NELL1: variants seen among roughly 807,000 people sequenced by gnomAD.
NELL1 encodes protein kinase C-binding protein NELL1.
A neutral mutation model predicts 107.4 loss-of-function variants in NELL1; 76 were observed. That is an observed-to-expected ratio of 0.71 (90% CI 0.59 to 0.86). NELL1 has a LOEUF of 0.86. Among genes scored for constraint, NELL1 ranks in the 40% least tolerant of loss-of-function variants. NELL1 has a pLI of 0.00. For missense variants in NELL1, 1,024 were observed against 1,005.5 expected, an observed-to-expected ratio of 1.02 and a Z score of -0.25; for synonymous variants, 353 against 341.2, an observed-to-expected ratio of 1.03 and a Z score of -0.38.
At chr11:21,070,935 TATC>T (rs979245284) in intron 12 of NELL1, among the ~76,000 whole-genome samples, 28 of 152,264 alleles carry the variant, frequency 1.8e-4, no homozygotes, top group African/African-American at 6.5e-4. Flanking sequence ...GAGCACTACT[TATC>T]ATGCTTACTT....
intron 2 of NELL1, among the ~76,000 whole-genome samples, chr11:20,715,299 TTTTG>T (rs749740387): frequency 0.11 from 1,272 of 11,900 alleles, 4 homozygotes; most frequent in South Asian, 0.32. Context: ...TGAGCTGGGT[TTTTG>T]TTTTTTTTTT....
At chr11:21,165,900 G>A (rs903719861) in intron 13 of NELL1, among the ~76,000 whole-genome samples, 16 of 150,896 alleles carry the variant, frequency 1.1e-4, no homozygotes, top group African/African-American at 3.9e-4. Context: ...GTAGCTGGGT[G>A]CCCACTACAA....
At chr11:21,529,876 G>A (rs1253537016) in intron 15 of NELL1, among the ~76,000 whole-genome samples, 2 of 152,076 alleles carry the variant, frequency 1.3e-5, no homozygotes, top group African/African-American at 4.8e-5. Flanking sequence ...TCAACCTACA[G>A]ATTAGAAAAC....
intron 12 of NELL1, among the ~76,000 whole-genome samples, chr11:21,099,745 A>C (rs1854757620): frequency 6.6e-6 from 1 of 152,188 alleles, no homozygotes; most frequent in Non-Finnish European, 1.5e-5. Context: ...AATAGGTAGA[A>C]AATCTGGCAT....
Position 21,496,152 on chromosome 11 carries a change from T to A in NELL1, c.1646-38222T>A, listed in dbSNP as rs528240709. Among the ~76,000 whole-genome samples the A allele has an allele frequency of 7.9e-5, 12 of 152,156 alleles. No homozygotes were observed. The South Asian group carries it at 1.0e-3, about 13-fold the overall frequency. On this transcript the variant is annotated intron_variant, in intron 15 of 19. Transcript: ENST00000357134. ...GATTATGTGTCCTTCTCAAAATTTG[T>A]ACTTCTTATATGCACAGTTGTAGTA...
chr11:21,350,541 A>G (rs1010255941), intron 14 of NELL1, among the ~76,000 whole-genome samples: 5 of 152,208 alleles, frequency 3.3e-5, no homozygotes, highest in Non-Finnish European at 7.3e-5. Flanking sequence ...AAAGGCCAAC[A>G]TTAGGTGAAA....
intron 3 of NELL1, among the ~76,000 whole-genome samples, chr11:20,841,348 A>C (rs1848619521): frequency 7.1e-6 from 1 of 141,780 alleles, no homozygotes; most frequent in Admixed American, 7.3e-5. Context: ...GGTGACAGCT[A>C]CTCATGTGGT....
intron 4 of NELL1, among the ~76,000 whole-genome samples, chr11:20,853,178 C>A (rs1252107431): frequency 1.3e-5 from 2 of 152,008 alleles, no homozygotes; most frequent in African/African-American, 2.4e-5. Flanking sequence ...TGAGAGAAAA[C>A]CATGTATGGG....
intron 12 of NELL1, among the ~76,000 whole-genome samples, chr11:21,110,829 A>G (rs1436774861): frequency 1.3e-5 from 2 of 152,150 alleles, no homozygotes; most frequent in Admixed American, 1.3e-4. Flanking sequence ...CACTACAGCC[A>G]GAGTGATATT....
Position 21,366,494 on chromosome 11 carries a change from A to G in NELL1, c.1550-4359A>G, listed in dbSNP as rs147375193. On this transcript the variant is annotated intron_variant, in intron 14 of 19. Transcript: ENST00000357134. ...TTTATTTAAACAGTTATTTTTAATAATATAATTCATACCTACTAACATGCT... is the reference window on the plus strand; with the variant it reads ...TTTATTTAAACAGTTATTTTTAATAGTATAATTCATACCTACTAACATGCT... Among the ~76,000 whole-genome samples the G allele has an allele frequency of 5.3e-3, 814 of 152,284 alleles. 10 individuals carry two copies. Among genetic ancestry groups the G allele is most frequent in the African/African-American group, 0.016 (653 of 41,554 alleles).
intron 14 of NELL1, among the ~76,000 whole-genome samples, chr11:21,278,478 A>G (rs1294752357): frequency 6.6e-6 from 1 of 152,318 alleles, no homozygotes; most frequent in East Asian, 1.9e-4. Context: ...AAAAGTCGAT[A>G]GTTTTTTCTG....
chr11:21,292,030 C>A (rs1467581551), intron 14 of NELL1, among the ~76,000 whole-genome samples: 1 of 152,208 alleles, frequency 6.6e-6, no homozygotes, highest in African/African-American at 2.4e-5. Flanking sequence ...CAAGGATGCC[C>A]TCTCTCAACA....
At chr11:20,777,474 C>G (rs1269253587) in intron 2 of NELL1, among the ~76,000 whole-genome samples, 1 of 152,166 alleles carries the variant, frequency 6.6e-6, no homozygotes, top group Admixed American at 6.5e-5. Context: ...TTGAAAGCTG[C>G]TTGGATCAAT....
chr11:21,388,572 G>T (rs7126470), intron 15 of NELL1, among the ~76,000 whole-genome samples: 2 of 151,822 alleles, frequency 1.3e-5, no homozygotes, highest in South Asian at 4.2e-4. Context: ...TTTAATTCCC[G>T]TATTACCCAC....
chr11:20,808,777 G>T (rs149803499), intron 3 of NELL1, among the ~76,000 whole-genome samples: 1 of 152,158 alleles, frequency 6.6e-6, no homozygotes, highest in Non-Finnish European at 1.5e-5. Context: ...CGTTGGCAGC[G>T]CTGAGTTCCA....
chr11:21,470,969 T>C (rs954622754), intron 15 of NELL1, among the ~76,000 whole-genome samples: 5 of 152,096 alleles, frequency 3.3e-5, no homozygotes, highest in Admixed American at 3.3e-4. Context: ...TAATAAGCTA[T>C]TTTTTACATA....
intron 14 of NELL1, among the ~76,000 whole-genome samples, chr11:21,340,622 C>T (rs894592958): frequency 1.2e-3 from 15 of 12,266 alleles, no homozygotes; most frequent in Admixed American, 8.5e-3. Flanking sequence ...TGACGGGTTA[C>T]ACACACACAC....
At chr11:20,925,192 T>C (rs1021348446) in intron 7 of NELL1, among the ~76,000 whole-genome samples, 1 of 152,150 alleles carries the variant, frequency 6.6e-6, no homozygotes. Context: ...AACTCAGCAG[T>C]GTATTTTATC....
At chr11:21,343,951 C>A (rs1158833783) in intron 14 of NELL1, among the ~76,000 whole-genome samples, 1 of 152,050 alleles carries the variant, frequency 6.6e-6, no homozygotes, top group African/African-American at 2.4e-5. Context: ...GGTGCTGATT[C>A]TTGTTTTTAT....
Sources: allele counts gnomAD v4.1 joint callset (sites outside exome capture counted in the v4.1 genomes callset), GRCh38; gene constraint gnomAD v4.1.1; transcripts MANE v1.5; gene names NCBI Gene and HGNC (gene_info 2026-07-23, HGNC 2026-07-21).